OSBPL10: variants seen among roughly 807,000 people sequenced by gnomAD.
OSBPL10 encodes the protein oxysterol-binding protein-related protein 10.
OSBPL10 carries 49 observed loss-of-function variants against 81.7 expected under a neutral mutation model. The observed-to-expected ratio is 0.60, with a 90% confidence interval of 0.48 to 0.76. OSBPL10 has a LOEUF of 0.76. OSBPL10 is among the 30% of genes least tolerant of loss of function. The pLI is 0.00. For missense variants in OSBPL10, 923 were observed against 987.8 expected, an observed-to-expected ratio of 0.93 and a Z score of 0.88; for synonymous variants, 419 against 383.6, an observed-to-expected ratio of 1.09 and a Z score of -1.08.
intron 3 of OSBPL10, among the ~76,000 whole-genome samples, chr3:31,844,634 G>T (rs926536424): frequency 6.6e-6 from 1 of 152,350 alleles, no homozygotes; most frequent in African/African-American, 2.4e-5. Flanking sequence ...TGTTGTCAAG[G>T]GCTCAGGGAA....
chr3:31,753,109 A>C (rs1263397076), intron 4 of OSBPL10, among the ~76,000 whole-genome samples: 1 of 151,610 alleles, frequency 6.6e-6, no homozygotes, highest in Non-Finnish European at 1.5e-5. Context: ...GAGTCAGGGG[A>C]TCAGTCCTTG....
At chr3:31,859,239 A>T (rs2125593254) in intron 3 of OSBPL10, among the ~76,000 whole-genome samples, 1 of 152,270 alleles carries the variant, frequency 6.6e-6, no homozygotes, top group East Asian at 1.9e-4. Flanking sequence ...GTTCTAAAAA[A>T]TTTTGTCTAT....
intron 9 of OSBPL10, among the ~76,000 whole-genome samples, chr3:31,669,425 T>G (rs969724568): frequency 5.9e-5 from 9 of 152,124 alleles, no homozygotes; most frequent in African/African-American, 2.2e-4. Flanking sequence ...TCAGGTCTAT[T>G]TTGTATGGGG....
intron 1 of OSBPL10, among the ~76,000 whole-genome samples, chr3:32,048,211 A>C (rs140804366): frequency 1.2e-3 from 177 of 151,694 alleles, no homozygotes; most frequent in African/African-American, 4.2e-3. Context: ...CCCAACACTG[A>C]TATCTCTCCC....
chr3:31,986,291 T>C (rs192660259), upstream of OSBPL10: 7 of 151,922 alleles, frequency 4.6e-5, no homozygotes, highest in East Asian at 1.2e-3. Flanking sequence ...AGAGGAGGAG[T>C]TGATTCTGAA....
chr3:31,897,431 G>A (rs948516790), intron 1 of OSBPL10, among the ~76,000 whole-genome samples: 1 of 152,064 alleles, frequency 6.6e-6, no homozygotes, highest in African/African-American at 2.4e-5. Context: ...CTTCCACAGC[G>A]GTTCCACAGA....
intron 1 of OSBPL10, among the ~76,000 whole-genome samples, chr3:32,051,980 G>C (rs1484783591): frequency 6.6e-6 from 1 of 152,156 alleles, no homozygotes; most frequent in Non-Finnish European, 1.5e-5. Flanking sequence ...GGGTGCAGTG[G>C]CTCATGCTTG....
chr3:31,747,487 T>TCAAAAAAAAAAAA (rs1553620893), intron 5 of OSBPL10, among the ~76,000 whole-genome samples: 1 of 98,486 alleles, frequency 1.0e-5, no homozygotes, highest in Non-Finnish European at 2.0e-5. Context: ...AATCTTCAAA[T>TCAAAAAAAAAAAA]AAAAAAAAAA....
intron 1 of OSBPL10, among the ~76,000 whole-genome samples, chr3:31,944,546 A>C (rs1480554189): frequency 6.6e-6 from 1 of 152,100 alleles, no homozygotes; most frequent in Non-Finnish European, 1.5e-5. Flanking sequence ...GATTTATGTA[A>C]AACCACCACC....
upstream of OSBPL10, among the ~76,000 whole-genome samples, chr3:31,985,250 T>G (rs1470676394): frequency 6.6e-6 from 1 of 152,136 alleles, no homozygotes; most frequent in East Asian, 1.9e-4. Flanking sequence ...AAAAATGTTT[T>G]AAAAATACAA....
chr3:31,840,456 G>A (rs917493507), intron 3 of OSBPL10, among the ~76,000 whole-genome samples: 3 of 152,180 alleles, frequency 2.0e-5, no homozygotes, highest in African/African-American at 4.8e-5. Flanking sequence ...ATTAAATCAC[G>A]ACATCATCAA....
intron 1 of OSBPL10, among the ~76,000 whole-genome samples, chr3:31,900,853 A>G (rs554752431): frequency 6.6e-6 from 1 of 152,340 alleles, no homozygotes; most frequent in Non-Finnish European, 1.5e-5. Context: ...AACATTTCTA[A>G]GTATTTTTAC....
chr3:31,861,830 T>G (rs996079305), intron 3 of OSBPL10, among the ~76,000 whole-genome samples: 2 of 152,202 alleles, frequency 1.3e-5, no homozygotes, highest in Non-Finnish European at 2.9e-5. Flanking sequence ...ACTTGGCCAG[T>G]AGCTAGACTT....
At chr3:31,998,244 A>AT (rs1169888761) in intron 2 of OSBPL10, among the ~76,000 whole-genome samples, 5 of 151,754 alleles carry the variant, frequency 3.3e-5, no homozygotes, top group South Asian at 2.1e-4. Context: ...TCCTTGTGGC[A>AT]TTTTTTTTGC....
chr3:31,699,453 T>G (rs1695827910), intron 7 of OSBPL10, among the ~76,000 whole-genome samples: 2 of 152,224 alleles, frequency 1.3e-5, no homozygotes, highest in South Asian at 4.1e-4. Context: ...CAGTGGGTTA[T>G]TCCAGTGGAG....
Position 31,939,143 on chromosome 3 carries a change from CCTTTT to C in OSBPL10, c.281+41751_281+41755del, listed in dbSNP as rs1320739053. On this transcript the variant is annotated intron_variant, in intron 1 of 11. Coordinates refer to ENST00000396556, the MANE Select transcript of OSBPL10 (RefSeq NM_017784.5). ...GTTTAATGTGCCAAGACTCTCTCAT[CCTTTT>C]TTTTTTTTTTTTTTGAGACAGAGTT... Among the ~76,000 whole-genome samples the C allele has an allele frequency of 1.5e-3, 73 of 49,724 alleles. 1 individual carries two copies. Among genetic ancestry groups the C allele is most frequent in the Admixed American group, 0.011 (43 of 3,850 alleles). The allele number at this position is 49,724 out of a possible 152,430, so 32.6% of individuals were successfully genotyped here.
intron 4 of OSBPL10, 98 bp from the exon 5 acceptor site, chr3:31,748,218 G>A (rs556637220): frequency 1.1e-4 from 113 of 1,043,462 alleles, no homozygotes; most frequent in Non-Finnish European, 9.6e-5. Context: ...AAAACTAGGT[G>A]AGGGTCAACT....
At chr3:31,937,857 C>T (rs1010659953) in intron 1 of OSBPL10, among the ~76,000 whole-genome samples, 24 of 152,156 alleles carry the variant, frequency 1.6e-4, no homozygotes, top group African/African-American at 3.6e-4. Context: ...CTATCTCATT[C>T]GCTGAAGACC....
chr3:31,897,309 T>C (rs2125670165), intron 1 of OSBPL10, among the ~76,000 whole-genome samples: 1 of 152,032 alleles, frequency 6.6e-6, no homozygotes, highest in Non-Finnish European at 1.5e-5. Flanking sequence ...CAGAGTGTGG[T>C]GGAAAAACGA....
Sources: allele counts gnomAD v4.1 joint callset (sites outside exome capture counted in the v4.1 genomes callset), GRCh38; gene constraint gnomAD v4.1.1; transcripts MANE v1.5; gene names NCBI Gene and HGNC (gene_info 2026-07-23, HGNC 2026-07-21).